LOC400499: variants seen among roughly 807,000 people sequenced by gnomAD.
the LOC400499 span, among the ~76,000 whole-genome samples, chr16:11,435,266 C>A: frequency 6.6e-6 from 1 of 152,120 alleles, no homozygotes; most frequent in South Asian, 2.1e-4. Context: ...GTGCACCCCA[C>A]CACACCTGGC....
the LOC400499 span, among the ~76,000 whole-genome samples, chr16:11,453,103 T>G: frequency 4.6e-5 from 7 of 152,202 alleles, no homozygotes; most frequent in African/African-American, 1.7e-4. Context: ...CACTCTCCCC[T>G]AATGGGATCC....
chr16:11,494,606 C>T, the LOC400499 span: 1 of 398,942 alleles, frequency 2.5e-6, no homozygotes. Context: ...CTGGATGGTA[C>T]AGTTCTCACC....
the LOC400499 span, chr16:11,514,308 A>ACC: frequency 2.5e-6 from 1 of 398,880 alleles, no homozygotes; most frequent in African/African-American, 2.1e-5. Context: ...CTCTGGCCAG[A>ACC]CCCCCTCATG....
chr16:11,519,375 G>T, the LOC400499 span, among the ~76,000 whole-genome samples: 1 of 152,026 alleles, frequency 6.6e-6, no homozygotes, highest in African/African-American at 2.4e-5. Context: ...GGTGGGGAGG[G>T]GGTTGCAAAA....
the LOC400499 span, chr16:11,425,201 G>A: frequency 1.0e-5 from 4 of 398,918 alleles, no homozygotes; most frequent in Middle Eastern, 6.2e-4. Context: ...AGGAGCAGGC[G>A]CCACCCAGAG....
At chr16:11,448,105 G>T in the LOC400499 span, 1 of 1,523,602 alleles carries the variant, frequency 6.6e-7, no homozygotes, top group African/African-American at 1.4e-5. Context: ...AGAGAGGGAC[G>T]GGCCAGCAGG....
chr16:11,417,359 C>T, the LOC400499 span, among the ~76,000 whole-genome samples: 4 of 152,106 alleles, frequency 2.6e-5, no homozygotes, highest in South Asian at 2.1e-4. Context: ...CGAGTAGCTG[C>T]GACCACACAC....
chr16:11,505,597 G>A, the LOC400499 span, among the ~76,000 whole-genome samples: 1 of 150,984 alleles, frequency 6.6e-6, no homozygotes, highest in Non-Finnish European at 1.5e-5. Context: ...ACGACCACAG[G>A]CACGTACCAC....
the LOC400499 span, chr16:11,402,125 G>A: frequency 1.5e-5 from 6 of 398,970 alleles, no homozygotes; most frequent in Admixed American, 1.3e-4. Flanking sequence ...GCAGTGTCGC[G>A]GCAGGGGGAG....
the LOC400499 span, among the ~76,000 whole-genome samples, chr16:11,375,662 C>A: frequency 1.3e-5 from 2 of 151,244 alleles, no homozygotes; most frequent in African/African-American, 4.9e-5. Flanking sequence ...TGATGTTGAG[C>A]ATCTTTTTAT....
chr16:11,387,931 C>T, the LOC400499 span, among the ~76,000 whole-genome samples: 1 of 152,098 alleles, frequency 6.6e-6, no homozygotes, highest in Non-Finnish European at 1.5e-5. Flanking sequence ...GCCAACAGGT[C>T]TAGAAAATTT....
chr16:11,407,877 G>A, the LOC400499 span, among the ~76,000 whole-genome samples: 9 of 151,048 alleles, frequency 6.0e-5, no homozygotes, highest in African/African-American at 1.9e-4. Context: ...CTGAAAAGCA[G>A]AATCACTGCG....
chr16:11,479,537 C>T, the LOC400499 span, among the ~76,000 whole-genome samples: 3 of 151,838 alleles, frequency 2.0e-5, no homozygotes, highest in Non-Finnish European at 2.9e-5. Context: ...GTGGGAGGAT[C>T]GCTTGAGCCC....
chr16:11,476,898 C>G, the LOC400499 span: 2 of 399,362 alleles, frequency 5.0e-6, no homozygotes, highest in Non-Finnish European at 8.8e-6. Context: ...GCCCGGCCTG[C>G]CCCAGGATGC....
the LOC400499 span, among the ~76,000 whole-genome samples, chr16:11,474,596 A>T: frequency 6.6e-6 from 1 of 152,106 alleles, no homozygotes. Context: ...GCAGCGGCTC[A>T]TGCCTGTAAT....
At chr16:11,484,779 T>G in the LOC400499 span, 1 of 397,516 alleles carries the variant, frequency 2.5e-6, no homozygotes, top group Non-Finnish European at 4.4e-6. Context: ...GGAGGCAGAG[T>G]CAGAGTTCAC....
chr16:11,419,086 A>G, the LOC400499 span, among the ~76,000 whole-genome samples: 1 of 152,210 alleles, frequency 6.6e-6, no homozygotes, highest in East Asian at 1.9e-4. Flanking sequence ...GAATCTCTTG[A>G]GCCCAGGGGG....
the LOC400499 span, among the ~76,000 whole-genome samples, chr16:11,489,766 G>A: frequency 6.6e-6 from 1 of 152,230 alleles, no homozygotes; most frequent in African/African-American, 2.4e-5. Flanking sequence ...TGCCAAGGCA[G>A]AGAGGTGTAT....
the LOC400499 span, among the ~76,000 whole-genome samples, chr16:11,426,962 G>A: frequency 6.8e-6 from 1 of 147,234 alleles, no homozygotes; most frequent in Non-Finnish European, 1.5e-5. Context: ...AATATATAAA[G>A]AGTATCTACA....
Sources: allele counts gnomAD v4.1 joint callset (sites outside exome capture counted in the v4.1 genomes callset), GRCh38; gene constraint gnomAD v4.1.1; transcripts MANE v1.5.